Variants in CCSER1 observed in about 807,000 individuals in gnomAD.
CCSER1 encodes serine-rich coiled-coil domain-containing protein 1.
In CCSER1, 41 loss-of-function variants were observed where a neutral mutation model predicts 82.0. The observed-to-expected ratio is 0.50, with a 90% CI of 0.39 to 0.65. The LOEUF (loss-of-function observed/expected upper bound fraction) is 0.65, where lower values mean the gene tolerates loss of function less well. CCSER1 is among the 30% of genes least tolerant of loss of function. CCSER1 has a pLI of 0.00. For missense variants in CCSER1, 1,119 were observed against 1,064.2 expected, an observed-to-expected ratio of 1.05 and a Z score of -0.72; for synonymous variants, 414 against 383.9, an observed-to-expected ratio of 1.08 and a Z score of -0.92.
At chr4:91,469,827 G>C (rs1757164192) in intron 10 of CCSER1, among the ~76,000 whole-genome samples, 1 of 152,158 alleles carries the variant, frequency 6.6e-6, no homozygotes, top group Non-Finnish European at 1.5e-5. Flanking sequence ...AATTAATAGT[G>C]ATTTCCCAGT....
chr4:91,164,547 C>T (rs1207942554), intron 10 of CCSER1, among the ~76,000 whole-genome samples: 2 of 152,130 alleles, frequency 1.3e-5, no homozygotes, highest in African/African-American at 4.8e-5. Context: ...TTCCATTCTC[C>T]CCGTCACTTT....
chr4:90,813,939 A>G (rs1250787073), intron 7 of CCSER1, among the ~76,000 whole-genome samples: 3 of 152,144 alleles, frequency 2.0e-5, no homozygotes, highest in African/African-American at 7.2e-5. Context: ...CCAACCCCAC[A>G]TGTCCCTTCT....
chr4:91,286,506 T>C (rs1429588199), intron 10 of CCSER1, among the ~76,000 whole-genome samples: 16 of 151,836 alleles, frequency 1.1e-4, no homozygotes, highest in Admixed American at 1.1e-3. Flanking sequence ...TGGGTTTATG[T>C]TTTAAAATTG....
At chr4:90,839,055 G>A (rs1140399) in intron 8 of CCSER1, 82 of 1,609,982 alleles carry the variant, frequency 5.1e-5, no homozygotes, top group Middle Eastern at 2.2e-4. Context: ...GAGGAAAAGC[G>A]GAGCGAGGCG....
intron 10 of CCSER1, among the ~76,000 whole-genome samples, chr4:91,366,841 AAT>A (rs1164671601): frequency 6.6e-6 from 1 of 152,200 alleles, no homozygotes; most frequent in African/African-American, 2.4e-5. Context: ...CACAATAAGC[AAT>A]ATATATTTCT....
chr4:91,006,732 C>T (rs1738551309), intron 9 of CCSER1, among the ~76,000 whole-genome samples: 1 of 152,092 alleles, frequency 6.6e-6, no homozygotes. Context: ...ACCTCGTGAT[C>T]CACCCGCCTT....
At chr4:90,691,312 A>T (rs145964898) in intron 6 of CCSER1, among the ~76,000 whole-genome samples, 3,505 of 152,084 alleles carry the variant, frequency 0.023, 59 homozygotes, top group Non-Finnish European at 0.034. Context: ...GAGTTTAAAT[A>T]GTCTTGATTA....
intron 3 of CCSER1, among the ~76,000 whole-genome samples, chr4:90,356,842 T>C (rs577796135): frequency 1.3e-4 from 20 of 151,866 alleles, no homozygotes; most frequent in Non-Finnish European, 2.4e-4. Context: ...TGAAGCTGTC[T>C]GATATTTACA....
intron 3 of CCSER1, among the ~76,000 whole-genome samples, chr4:90,327,873 C>T (rs1033393501): frequency 2.0e-5 from 3 of 151,914 alleles, no homozygotes; most frequent in Non-Finnish European, 4.4e-5. Context: ...TGCCAATTTT[C>T]TTTTTTTTAA....
intron 9 of CCSER1, among the ~76,000 whole-genome samples, chr4:90,972,256 A>G (rs1257025477): frequency 6.6e-6 from 1 of 151,814 alleles, no homozygotes; most frequent in Non-Finnish European, 1.5e-5. Context: ...ACCCAAAACT[A>G]TTAGAACTAA....
chr4:90,914,513 A>G (rs866460811), intron 8 of CCSER1, among the ~76,000 whole-genome samples: 11 of 152,190 alleles, frequency 7.2e-5, no homozygotes, highest in African/African-American at 2.7e-4. Flanking sequence ...AGGGAAATTT[A>G]TAGCACTAAA....
At chr4:91,421,170 C>T (rs1281779668) in intron 10 of CCSER1, among the ~76,000 whole-genome samples, 3 of 152,114 alleles carry the variant, frequency 2.0e-5, no homozygotes, top group Non-Finnish European at 4.4e-5. Flanking sequence ...CAGAGATGTC[C>T]TGTGAAACAG....
intron 8 of CCSER1, among the ~76,000 whole-genome samples, chr4:90,889,726 T>C (rs2150108390): frequency 6.6e-6 from 1 of 152,284 alleles, no homozygotes; most frequent in Non-Finnish European, 1.5e-5. Context: ...TTACATAGCA[T>C]GGATGATCCT....
chr4:90,995,747 A>T (rs55879606), intron 9 of CCSER1, among the ~76,000 whole-genome samples: 7,680 of 152,160 alleles, frequency 0.05, 484 homozygotes, highest in African/African-American at 0.15. Flanking sequence ...TAAAGATCCA[A>T]ATTAAAACTA....
chr4:91,119,669 T>G (rs1180787491), intron 10 of CCSER1, among the ~76,000 whole-genome samples: 16 of 151,982 alleles, frequency 1.1e-4, no homozygotes. Flanking sequence ...GTAGGGCTAT[T>G]TACTATGTAT....
intron 1 of CCSER1, among the ~76,000 whole-genome samples, chr4:90,177,125 A>G (rs1218792248): frequency 3.3e-5 from 5 of 152,112 alleles, no homozygotes; most frequent in Admixed American, 3.3e-4. Flanking sequence ...GGACACATGG[A>G]TGATGACAAG....
intron 7 of CCSER1, among the ~76,000 whole-genome samples, chr4:90,737,686 C>A (rs1745886938): frequency 6.6e-6 from 1 of 152,084 alleles, no homozygotes; most frequent in South Asian, 2.1e-4. Flanking sequence ...ATGTTATTGT[C>A]CATACCTTAA....
intron 9 of CCSER1, among the ~76,000 whole-genome samples, chr4:91,025,884 C>T (rs980218403): frequency 6.6e-6 from 1 of 151,694 alleles, no homozygotes; most frequent in African/African-American, 2.4e-5. Context: ...ATTTTTAATT[C>T]ACAAGCTTTC....
intron 10 of CCSER1, among the ~76,000 whole-genome samples, chr4:91,577,752 G>A (rs1763518583): frequency 6.6e-6 from 1 of 151,902 alleles, no homozygotes. Flanking sequence ...TTTTATTTCA[G>A]GATATATTGG....
Sources: allele counts gnomAD v4.1 joint callset (sites outside exome capture counted in the v4.1 genomes callset), GRCh38; gene constraint gnomAD v4.1.1; transcripts MANE v1.5; gene names NCBI Gene and HGNC (gene_info 2026-07-23, HGNC 2026-07-21).